ZNF510: variants seen among roughly 807,000 people sequenced by gnomAD.
ZNF510 encodes the protein zinc finger protein 510.
A neutral mutation model predicts 18.1 loss-of-function variants in ZNF510; 15 were observed. The observed-to-expected ratio is 0.83, with a 90% CI of 0.55 to 1.28. ZNF510 has a LOEUF of 1.28. ZNF510 is among the 50% of genes most tolerant of loss of function. ZNF510 has a pLI of 0.00. For synonymous variants in ZNF510, 261 were observed against 266.4 expected (o/e 0.98, Z 0.20); for missense variants, 724 against 791.8 (o/e 0.91, Z 1.03).
intron 3 of ZNF510, among the ~76,000 whole-genome samples, chr9:96,764,311 G>C (rs951300993): frequency 6.6e-6 from 1 of 152,168 alleles, no homozygotes; most frequent in Non-Finnish European, 1.5e-5. Context: ...AATCTGGCTT[G>C]CCAGTTTTTT....
intron 1 of ZNF510, among the ~76,000 whole-genome samples, chr9:96,776,648 T>C (rs1849710484): frequency 6.6e-6 from 1 of 152,190 alleles, no homozygotes; most frequent in African/African-American, 2.4e-5. Context: ...TGGCCATGCA[T>C]GCTTGTAATT....
intron 3 of ZNF510, among the ~76,000 whole-genome samples, chr9:96,766,781 G>A (rs1849482234): frequency 6.6e-6 from 1 of 152,066 alleles, no homozygotes; most frequent in South Asian, 2.1e-4. Context: ...TGGGAAAACA[G>A]AAAATTAGTA....
chr9:96,765,116 A>AAAC (rs373245058), intron 3 of ZNF510, among the ~76,000 whole-genome samples: 8,273 of 152,006 alleles, frequency 0.054, 295 homozygotes, highest in Middle Eastern at 0.13. Flanking sequence ...CTTGTATAAA[A>AAAC]AACAACAACA....
intron 3 of ZNF510, among the ~76,000 whole-genome samples, chr9:96,772,529 T>C (rs1849603760): frequency 6.6e-6 from 1 of 152,112 alleles, no homozygotes; most frequent in South Asian, 2.1e-4. Flanking sequence ...TAATTCCTAC[T>C]TAAAAAAAGC....
At position 96,760,395 on chromosome 9, in the gene ZNF510, A is replaced by C. The variant is rs1363944004; in HGVS notation, c.435T>G (p.Asn145Lys). The change falls in exon 6 of 6, where the codon AAT becomes AAG. Residue 145 changes from asparagine (N) to lysine (K), a missense_variant. Transcript: ENST00000223428. ...KHLEQAICIN[N>K]KTLTTEEEKV... ...TCTCTTCCTCTGTAGTCAATGTTTT[A>C]TTATTGATACATATTGCTTGCTCCA... is the stretch of plus-strand genomic sequence containing the variant. 1.9e-6 allele frequency: 3 copies of C among 1,613,520 alleles called. No individual in the cohort carries two copies. In the Admixed American group the frequency reaches 5.0e-5, roughly 27 times the overall value.
At chr9:96,775,392 A>C (rs762905555) in intron 2 of ZNF510, among the ~76,000 whole-genome samples, 1 of 152,098 alleles carries the variant, frequency 6.6e-6, no homozygotes, top group Non-Finnish European at 1.5e-5. Context: ...ATTGTAGACT[A>C]TTTTCCTATT....
chr9:96,763,045 G>C (rs761945772), intron 5 of ZNF510, 73 bp downstream of exon 5: 3 of 1,205,680 alleles, frequency 2.5e-6, no homozygotes, highest in East Asian at 2.3e-5. Flanking sequence ...CAATATTTAG[G>C]TGTTCACCCC....
intron 2 of ZNF510, 75 bp from the exon 3 acceptor site, chr9:96,774,921 C>T (rs1380895756): frequency 7.4e-7 from 1 of 1,354,096 alleles, no homozygotes; most frequent in Non-Finnish European, 1.0e-6. Context: ...ATCACACCAG[C>T]TGGGGAAAAA....
chr9:96,761,075 C>A (rs1272510280), intron 5 of ZNF510, among the ~76,000 whole-genome samples: 1 of 152,136 alleles, frequency 6.6e-6, no homozygotes, highest in East Asian at 1.9e-4. Flanking sequence ...GTTTATAGCT[C>A]TAACCTGTCT....
chr9:96,767,856 G>A (rs1236464480), intron 3 of ZNF510, among the ~76,000 whole-genome samples: 2 of 152,196 alleles, frequency 1.3e-5, no homozygotes, highest in South Asian at 2.1e-4. Flanking sequence ...TAGAAGATGA[G>A]TGAACATTTC....
rs774893861 is a variant in ZNF510 at position 96,758,727 on chromosome 9, T to C, written c.*51A>G. The stretch of plus-strand genomic sequence containing the variant: ...CCTCAATTGGTTTTTTGTGTATCTC[T>C]GATATCAAATGGGGTATTCCTTTTG... On this transcript the variant is annotated 3_prime_UTR_variant, in exon 6 of 6. Coordinates refer to ENST00000223428, the MANE Select transcript of ZNF510 (RefSeq NM_014930.3). The C allele has an allele frequency of 6.0e-6, 9 of 1,507,240 alleles. No individual in the cohort carries two copies. The highest frequency in any genetic ancestry group is 7.1e-6 in the Non-Finnish European group (8 of 1,129,218). 93.4% of individuals were successfully genotyped at this position (1,507,240 alleles called of 1,614,324 possible).
intron 3 of ZNF510, among the ~76,000 whole-genome samples, chr9:96,771,566 A>G (rs1349118020): frequency 6.6e-6 from 1 of 152,132 alleles, no homozygotes; most frequent in Non-Finnish European, 1.5e-5. Context: ...GTGAGGTATA[A>G]GACAAGGATT....
At chr9:96,775,075 T>C (rs1281048946) in intron 2 of ZNF510, among the ~76,000 whole-genome samples, 2 of 152,036 alleles carry the variant, frequency 1.3e-5, no homozygotes, top group Non-Finnish European at 2.9e-5. Context: ...GTTTTTTTTT[T>C]TTGAGACAGG....
chr9:96,756,026 GC>G lies in ZNF510; in HGVS notation c.*2751del, dbSNP rs1849185996. On this transcript the variant is annotated 3_prime_UTR_variant, in exon 6 of 6. Coordinates refer to ENST00000223428, the MANE Select transcript of ZNF510 (RefSeq NM_014930.3). The stretch of plus-strand genomic sequence containing the variant: ...ATCTGGATGGAGAAAGCTGTCGGCA[GC>G]TTGATTCCAGTCAGTCTTATCAGAA... The G allele has an allele frequency of 6.6e-6, 1 of 152,106 alleles. No individual in the cohort carries two copies. Among genetic ancestry groups the G allele is most frequent in the Non-Finnish European group, 1.5e-5 (1 of 68,022 alleles). The allele number at this position is 152,106 out of a possible 1,614,324, so 9.4% of individuals were successfully genotyped here. A position where few individuals can be genotyped will look rare whatever the true frequency, so the allele number is the denominator to read the frequency against.
At chr9:96,776,401 T>C (rs1245162562) in intron 1 of ZNF510, among the ~76,000 whole-genome samples, 156 bp from the exon 2 acceptor site, 1 of 152,232 alleles carries the variant, frequency 6.6e-6, no homozygotes, top group African/African-American at 2.4e-5. Flanking sequence ...GGAGTGGTCC[T>C]GTGCATTGCA....
In ZNF510 at chr9:96,758,944, T is replaced by C. The variant is rs1378489423; in HGVS notation, c.1886A>G (p.Gln629Arg). 1.9e-6 allele frequency: 3 copies of C among 1,614,042 alleles called. No homozygotes were observed. In the East Asian group the frequency reaches 6.7e-5, roughly 36 times the overall value. The change falls in exon 6 of 6, where the codon CAG becomes CGG. Residue 629 changes from glutamine (Q) to arginine (R), a missense_variant. Gln to Arg is a conservative substitution (Grantham distance 43). Transcript: ENST00000223428. ...QRIHTGEKPF[Q>R]CNKCGKTFGQ... is the part of the protein sequence containing the mutation. ...AAAAGTTTTCCCACATTTATTACAC[T>C]GAAAGGGTTTCTCCCCTGTGTGAAT...
intron 5 of ZNF510, 68 bp from the exon 6 acceptor site, chr9:96,760,545 A>G (rs1373617459): frequency 2.2e-6 from 3 of 1,392,664 alleles, no homozygotes; most frequent in Admixed American, 4.7e-5. Flanking sequence ...TTATCAACAT[A>G]CAGCCTATGT....
Position 96,759,964 on chromosome 9 carries a change from T to C in ZNF510, c.866A>G (p.Lys289Arg), listed in dbSNP as rs1422375462. 1 of 1,613,380 alleles carries C rather than the reference T, an allele frequency of 6.2e-7. No individual in the cohort carries two copies. Among genetic ancestry groups the C allele is most frequent in the South Asian group, 1.1e-5 (1 of 91,080 alleles). Residue 289 changes from lysine to arginine, a missense_variant, in exon 6 of 6, where the codon AAA becomes AGA. Physicochemically the swap from Lys to Arg is conservative, Grantham distance 26. Transcript: ENST00000223428. ...AAAGAGAGTTTTCTTATCACAATTT[T>C]TCCTAAATTCATCATCTTTAGAGGA... ...ETSSKDDEFRKNCDKKTLFDH... is the reference protein window; with the variant it reads ...ETSSKDDEFRRNCDKKTLFDH...
rs138025592 is a variant in ZNF510 at position 96,759,608 on chromosome 9, C to T, written c.1222G>A (p.Glu408Lys). The change falls in exon 6 of 6, where the codon GAA becomes AAA. Residue 408 changes from glutamate (E) to lysine (K), a missense_variant. Glu to Lys is a moderately conservative substitution (Grantham distance 56, BLOSUM62 1). Transcript: ENST00000223428. ...TTCTGACAGAAGGATTTCCCACATT[C>T]ATTACATTTATAGGGTTTCATCATT... Reference protein sequence around the residue: ...HSMMKPYKCNECGKSFCQKGH... With the variant: ...HSMMKPYKCNKCGKSFCQKGH... The T allele has an allele frequency of 1.4e-4, 220 of 1,613,874 alleles. No homozygotes were observed. The highest frequency in any genetic ancestry group is 1.8e-4 in the Non-Finnish European group (211 of 1,179,980).
Sources: allele counts gnomAD v4.1 joint callset (sites outside exome capture counted in the v4.1 genomes callset), GRCh38; gene constraint gnomAD v4.1.1; transcripts MANE v1.5; gene names NCBI Gene and HGNC (gene_info 2026-07-23, HGNC 2026-07-21).